The following CUL5 variants were observed in gnomAD, a reference collection of about 807,000 sequenced individuals.
CUL5 encodes the protein cullin-5.
In CUL5, 26 loss-of-function variants were observed where a neutral mutation model predicts 108.8. The ratio of observed to expected loss-of-function variants is 0.24; its 90% CI spans 0.18 to 0.33. CUL5 has a LOEUF of 0.33. Among genes scored for constraint, CUL5 ranks in the 10% least tolerant of loss-of-function variants. The pLI is 1.00. For synonymous variants in CUL5, 334 were observed against 298.0 expected, an observed-to-expected ratio of 1.12 and a Z score of -1.25; for missense variants, 524 against 909.2, an observed-to-expected ratio of 0.58 and a Z score of 5.45.
rs1863991322 is a variant in CUL5 at position 108,078,364 on chromosome 11, A to C, written c.1178+124A>C. 6.3e-6 allele frequency: 3 copies of C among 475,650 alleles called. No homozygotes were observed. The South Asian group carries it at 1.7e-4, about 27-fold the overall frequency. 29.5% of individuals were successfully genotyped at this position (475,650 alleles called of 1,614,324 possible). On this transcript the variant is annotated intron_variant, in intron 11 of 18. Coordinates refer to ENST00000393094, the MANE Select transcript of CUL5 (RefSeq NM_003478.6). ...TTATTGTTAGTTTTGTGACTTTTGC[A>C]GCTTTTGGCTATTAAAGTTCATTTA...
At chr11:108,029,428 AATAGTAAT>A in intron 1 of CUL5, among the ~76,000 whole-genome samples, 1 of 152,358 alleles carries the variant, frequency 6.6e-6, no homozygotes, top group South Asian at 2.1e-4. Flanking sequence ...TGCTATTCTG[AATAGTAAT>A]GAAAGAATTC....
At chr11:108,011,014 GAA>G (rs1862045804) in intron 1 of CUL5, among the ~76,000 whole-genome samples, 1 of 152,138 alleles carries the variant, frequency 6.6e-6, no homozygotes, top group African/African-American at 2.4e-5. Flanking sequence ...GAAAAGGAAA[GAA>G]AATTTGTTTT....
At chr11:108,103,884 G>T (rs902373164) in intron 18 of CUL5, among the ~76,000 whole-genome samples, 1 of 152,076 alleles carries the variant, frequency 6.6e-6, no homozygotes, top group Non-Finnish European at 1.5e-5. Flanking sequence ...GGGTATACAC[G>T]TGTCATGGTC....
At chr11:108,061,698 ATGT>A (rs1308132760) in intron 7 of CUL5, among the ~76,000 whole-genome samples, 1 of 151,890 alleles carries the variant, frequency 6.6e-6, no homozygotes, top group Non-Finnish European at 1.5e-5. Context: ...TAAATTTATG[ATGT>A]TGCTCATTTT....
chr11:108,058,609 G>T (rs1183965806), intron 7 of CUL5, among the ~76,000 whole-genome samples: 1 of 151,686 alleles, frequency 6.6e-6, no homozygotes, highest in Non-Finnish European at 1.5e-5. Context: ...ATTGGTGGTG[G>T]TAATGCTTCT....
At chr11:108,087,140 C>A (rs1327552725) in intron 11 of CUL5, among the ~76,000 whole-genome samples, 1 of 152,064 alleles carries the variant, frequency 6.6e-6, no homozygotes, top group Non-Finnish European at 1.5e-5. Flanking sequence ...ATTCTAGTCT[C>A]ATCTACTTAT....
chr11:108,094,207 C>T (rs560518708), intron 13 of CUL5, among the ~76,000 whole-genome samples, 184 bp from the exon 14 acceptor site: 3 of 152,156 alleles, frequency 2.0e-5, no homozygotes, highest in African/African-American at 7.2e-5. Flanking sequence ...AGCAGGGACC[C>T]CTTGTAATAC....
intron 10 of CUL5, among the ~76,000 whole-genome samples, chr11:108,076,251 C>G (rs911320019): frequency 6.6e-6 from 1 of 152,038 alleles, no homozygotes. Flanking sequence ...CCAGGCTGTT[C>G]TTGAACTCCT....
At chr11:108,010,817 G>T (rs947952837) in intron 1 of CUL5, among the ~76,000 whole-genome samples, 2 of 152,206 alleles carry the variant, frequency 1.3e-5, no homozygotes, top group Middle Eastern at 6.8e-3. Context: ...AAAATTTGTG[G>T]GCTGGGCACA....
intron 7 of CUL5, among the ~76,000 whole-genome samples, chr11:108,058,044 A>G (rs1863432452): frequency 6.6e-6 from 1 of 151,732 alleles, no homozygotes; most frequent in Non-Finnish European, 1.5e-5. Flanking sequence ...CCCTGTCTCT[A>G]CTAAAAATAC....
At position 108,095,655 on chromosome 11, in the gene CUL5, T is replaced by C. The variant is rs200813419; in HGVS notation, c.1869T>C (p.Thr623=). The part of the protein sequence containing the change: ...KISFENLKLA[T]ELPDAELRRT... ...GCTTTGAAAATCTTAAGCTTGCAACTGAACTCCCTGATGCTGAACTTAGGA... is the reference window on the plus strand; with the variant it reads ...GCTTTGAAAATCTTAAGCTTGCAACCGAACTCCCTGATGCTGAACTTAGGA... The change falls in exon 16 of 19, where the codon ACT becomes ACC. Residue 623 remains threonine, a synonymous_variant. Transcript: ENST00000393094. 2 of 1,614,070 alleles carry C rather than the reference T, an allele frequency of 1.2e-6. No individual in the cohort carries two copies. Among genetic ancestry groups the C allele is most frequent in the South Asian group, 2.2e-5 (2 of 91,064 alleles).
In CUL5 at chr11:108,072,363, A is replaced by G. The variant is rs1308481730; in HGVS notation, c.906A>G (p.Lys302=). ...ATTTAATGTTTTCATTGATGGACAAAGTTCCTAATGGTATAGAGCCAATGT... is the reference window on the plus strand; with the variant it reads ...ATTTAATGTTTTCATTGATGGACAAGGTTCCTAATGGTATAGAGCCAATGT... ...KLHLMFSLMD[K]VPNGIEPMLK... Residue 302 remains lysine (K), a synonymous_variant, in exon 9 of 19, where the codon AAA becomes AAG. Coordinates refer to ENST00000393094, the MANE Select transcript of CUL5 (RefSeq NM_003478.6). The G allele has an allele frequency of 6.2e-7, 1 of 1,608,414 alleles. No individual in the cohort carries two copies. The highest frequency in any genetic ancestry group is 1.7e-5 in the Admixed American group (1 of 59,366).
chr11:108,028,139 T>C (rs1862495273), intron 1 of CUL5, among the ~76,000 whole-genome samples: 2 of 152,244 alleles, frequency 1.3e-5, no homozygotes, highest in Non-Finnish European at 2.9e-5. Flanking sequence ...TTTTAAATTC[T>C]AGATTTCCAT....
At chr11:108,086,281 A>G (rs547910503) in intron 11 of CUL5, among the ~76,000 whole-genome samples, 1 of 152,210 alleles carries the variant, frequency 6.6e-6, no homozygotes, top group Non-Finnish European at 1.5e-5. Flanking sequence ...GCCACGGGGG[A>G]AAAATAACAC....
chr11:108,012,931 A>C (rs932352052), intron 1 of CUL5, among the ~76,000 whole-genome samples: 1 of 152,048 alleles, frequency 6.6e-6, no homozygotes, highest in Non-Finnish European at 1.5e-5. Context: ...CTCTGCCTCA[A>C]ACTTCTGTTT....
intron 1 of CUL5, among the ~76,000 whole-genome samples, chr11:108,033,334 TCCGTGTTG>T (rs1321952481): frequency 6.6e-6 from 1 of 152,164 alleles, no homozygotes; most frequent in Non-Finnish European, 1.5e-5. Context: ...GATTTCAGTC[TCCGTGTTG>T]AGTGACCCCC....
rs372523778 is a variant in CUL5 at position 108,104,152 on chromosome 11, G to A, written c.2149-38G>A. 1,359 of 1,337,800 alleles carry A rather than the reference G, an allele frequency of 1.0e-3. 5 individuals are homozygous for A. The highest frequency in any genetic ancestry group is 1.3e-3 in the Middle Eastern group (5 of 3,784). The allele number at this position is 1,337,800 out of a possible 1,614,324, so 82.9% of individuals were successfully genotyped here. A position where few individuals can be genotyped will look rare whatever the true frequency, so the allele number is the denominator to read the frequency against. On this transcript the variant is annotated intron_variant, in intron 18 of 18. Coordinates refer to ENST00000393094, the MANE Select transcript of CUL5 (RefSeq NM_003478.6). The stretch of plus-strand genomic sequence containing the variant: ...AGTTTGTTGTACTTAAAATAATTTC[G>A]TATATTAATGCGCTTTTATTTTTAT...
At chr11:108,021,335 A>G (rs991234383) in intron 1 of CUL5, among the ~76,000 whole-genome samples, 1 of 152,212 alleles carries the variant, frequency 6.6e-6, no homozygotes, top group Non-Finnish European at 1.5e-5. Context: ...TGATAAAAAA[A>G]TTGCCATTAA....
At chr11:108,048,879 C>T (rs1169800928) in intron 3 of CUL5, among the ~76,000 whole-genome samples, 1 of 151,858 alleles carries the variant, frequency 6.6e-6, no homozygotes, top group East Asian at 1.9e-4. Flanking sequence ...GTTGGTCAAG[C>T]TGGTCTCAAA....
Sources: gnomAD v4.1 joint callset for allele counts (sites outside exome capture counted in the v4.1 genomes callset) on GRCh38, gnomAD v4.1.1 for gene constraint, MANE v1.5 for transcripts, NCBI Gene and HGNC (gene_info 2026-07-23, HGNC 2026-07-21) for gene names.